The following STEEP1 variants were observed in gnomAD, a reference collection of about 807,000 sequenced individuals.
The protein encoded by STEEP1 is STING ER exit protein.
A neutral mutation model predicts 19.2 loss-of-function variants in STEEP1; 3 were observed. The observed-to-expected ratio is 0.16, with a 90% confidence interval of 0.07 to 0.40. STEEP1 has a LOEUF of 0.40. STEEP1 is among the 10% of genes least tolerant of loss of function. The pLI, the probability that STEEP1 is intolerant of heterozygous loss-of-function variation, is 0.99. For synonymous variants in STEEP1, 46 were observed against 63.7 expected (o/e 0.72, Z 1.32); for missense variants, 54 against 177.1 (o/e 0.30, Z 3.94).
intron 2 of STEEP1, among the ~76,000 whole-genome samples, chrX:119,545,865 C>G (rs2053200359): frequency 9.8e-6 from 1 of 101,804 alleles, no homozygotes; most frequent in African/African-American, 3.7e-5. Context: ...TGCACTCCAG[C>G]CTGGGCAACA....
At chrX:119,556,431 A>G (rs781691222) in intron 2 of STEEP1, among the ~76,000 whole-genome samples, 1 of 109,917 alleles carries the variant, frequency 9.1e-6, no homozygotes, top group African/African-American at 3.3e-5. Context: ...AAAACACAAA[A>G]AATTAGCCGG....
At chrX:119,542,725 G>T (rs1463302419) in intron 4 of STEEP1, 131 bp from the exon 5 acceptor site, 1 of 400,747 alleles carries the variant, frequency 2.5e-6, no homozygotes, top group South Asian at 6.1e-5. Context: ...GGGACAGGAT[G>T]ACCTATTTAA....
intron 4 of STEEP1, 135 bp downstream of exon 4, chrX:119,544,215 TAAG>T: frequency 2.1e-6 from 1 of 467,777 alleles, no homozygotes; most frequent in Non-Finnish European, 3.3e-6. Flanking sequence ...AGAAATAAAA[TAAG>T]AAAAAGACAA....
chrX:119,558,454 G>A (rs769194504), intron 2 of STEEP1, among the ~76,000 whole-genome samples: 114 of 111,081 alleles, frequency 1.0e-3, no homozygotes, highest in African/African-American at 3.5e-3. Context: ...GGAGAACGGC[G>A]TGAACCTGGG....
Position 119,546,465 on chromosome X carries a change from T to C in STEEP1, c.243-961A>G, listed in dbSNP as rs891201079. ...CAAAAAAAAAAAAAAAAAGTATACATGTATTAACTCATTTAATCCTTACAA... is the reference window on the plus strand; with the variant it reads ...CAAAAAAAAAAAAAAAAAGTATACACGTATTAACTCATTTAATCCTTACAA... On this transcript the variant is annotated intron_variant, in intron 2 of 6. Coordinates refer to ENST00000644802, the MANE Select transcript of STEEP1 (RefSeq NM_022101.4). 1.2e-3 allele frequency among the ~76,000 whole-genome samples: 128 copies of C among 105,464 alleles called. 2 individuals carry two copies. Among genetic ancestry groups the C allele is most frequent in the South Asian group, 2.5e-3 (6 of 2,408 alleles). 91.6% of individuals were successfully genotyped at this position (105,464 alleles called of 115,157 possible). A position where few individuals can be genotyped will look rare whatever the true frequency, so the allele number is the denominator to read the frequency against.
At chrX:119,549,289 A>C (rs1000466846) in intron 2 of STEEP1, among the ~76,000 whole-genome samples, 3 of 112,080 alleles carry the variant, frequency 2.7e-5, no homozygotes, top group Non-Finnish European at 5.6e-5. Context: ...TGTGGTGATC[A>C]TTTCACAGTG....
At chrX:119,562,490 G>A (rs1364817865) in intron 1 of STEEP1, among the ~76,000 whole-genome samples, 3 of 105,206 alleles carry the variant, frequency 2.9e-5, no homozygotes, top group African/African-American at 7.0e-5. Context: ...CCGAGATGGT[G>A]CCACTGCACT....
intron 1 of STEEP1, among the ~76,000 whole-genome samples, chrX:119,561,366 T>A (rs1478680288): frequency 9.0e-6 from 1 of 110,845 alleles, no homozygotes; most frequent in Non-Finnish European, 1.9e-5. Flanking sequence ...TAAAGCAGAT[T>A]GAAAATTGAT....
chrX:119,539,582 C>G lies in STEEP1; in HGVS notation c.*145G>C, dbSNP rs1390638529. On this transcript the variant is annotated 3_prime_UTR_variant, in exon 7 of 7. Transcript: ENST00000644802. ...AAGTTAAATGGACTCAGTTAAAGAC[C>G]TCACTGAATGTAGGAGAATCAATGG... is the stretch of plus-strand genomic sequence containing the variant. 1 of 429,868 alleles carries G rather than the reference C, an allele frequency of 2.3e-6. No homozygotes were observed. The highest frequency in any genetic ancestry group is 2.5e-5 in the African/African-American group (1 of 39,657). The allele number at this position is 429,868 out of a possible 1,213,427, so 35.4% of individuals were successfully genotyped here. A position where few individuals can be genotyped will look rare whatever the true frequency, so the allele number is the denominator to read the frequency against.
intron 6 of STEEP1, among the ~76,000 whole-genome samples, chrX:119,540,188 C>T (rs2053153527): frequency 9.0e-6 from 1 of 111,729 alleles, no homozygotes; most frequent in Admixed American, 9.6e-5. Flanking sequence ...TGTTATTGGT[C>T]CACACAAAAT....
chrX:119,542,468 C>G (rs1409208256), intron 5 of STEEP1, 37 bp downstream of exon 5: 2 of 1,061,894 alleles, frequency 1.9e-6, no homozygotes, highest in East Asian at 6.0e-5. Context: ...TACCCTTCTC[C>G]CCAAATTCCA....
intron 2 of STEEP1, among the ~76,000 whole-genome samples, chrX:119,555,533 C>T (rs925054575): frequency 1.8e-5 from 2 of 110,875 alleles, no homozygotes; most frequent in Non-Finnish European, 3.8e-5. Flanking sequence ...AAAGGCATTG[C>T]TATAAGTGAT....
At position 119,542,055 on chromosome X, in the gene STEEP1, C is replaced by CTTTTTTTTTTTTTTTTTTT. The variant is rs201339708; in HGVS notation, c.513+431_513+449dup. Among the ~76,000 whole-genome samples, 14 of 82,924 alleles carry CTTTTTTTTTTTTTTTTTTT rather than the reference C, an allele frequency of 1.7e-4. 1 individual carries two copies. Among genetic ancestry groups the CTTTTTTTTTTTTTTTTTTT allele is most frequent in the Non-Finnish European group, 2.3e-4 (10 of 43,597 alleles). The allele number at this position is 82,924 out of a possible 115,157, so 72.0% of individuals were successfully genotyped here. A position where few individuals can be genotyped will look rare whatever the true frequency, so the allele number is the denominator to read the frequency against. ...TCACTGTCAGAGTTTCTTTTCTTTT[C>CTTTTTTTTTTTTTTTTTTT]TTTTTTTTTTTTTTTTTTTTTTTTT... On this transcript the variant is annotated intron_variant, in intron 5 of 6. Coordinates refer to ENST00000644802, the MANE Select transcript of STEEP1 (RefSeq NM_022101.4).
At chrX:119,552,384 C>T (rs768836140) in intron 2 of STEEP1, among the ~76,000 whole-genome samples, 2 of 112,401 alleles carry the variant, frequency 1.8e-5, no homozygotes, top group South Asian at 7.3e-4. Context: ...GGGGTTCCCA[C>T]GACCCCCTCT....
intron 4 of STEEP1, 61 bp downstream of exon 4, chrX:119,544,292 T>A (rs1202158953): frequency 3.4e-5 from 35 of 1,021,281 alleles, no homozygotes; most frequent in Non-Finnish European, 4.7e-5. Context: ...TATAATCTTA[T>A]TTCAAAACAT....
chrX:119,542,386 G>T, intron 5 of STEEP1, 119 bp downstream of exon 5: 1 of 508,384 alleles, frequency 2.0e-6, no homozygotes, highest in Non-Finnish European at 3.4e-6. Context: ...TATCAGCAGA[G>T]CAGGGTCTAA....
chrX:119,538,448 C>T lies in STEEP1; in HGVS notation c.*1279G>A, dbSNP rs754471893. ...TTTTTTTTTTTTTTTTTTGTAGAGA[C>T]AGAGTCTCACTCTGTCGCCCAGGCT... On this transcript the variant is annotated 3_prime_UTR_variant, in exon 7 of 7. Transcript: ENST00000644802. 6.0e-5 allele frequency: 5 copies of T among 83,256 alleles called. No individual in the cohort carries two copies. In the East Asian group the frequency reaches 2.0e-3, roughly 33 times the overall value. The allele number at this position is 83,256 out of a possible 1,213,427, so 6.9% of individuals were successfully genotyped here. A position where few individuals can be genotyped will look rare whatever the true frequency, so the allele number is the denominator to read the frequency against.
intron 1 of STEEP1, among the ~76,000 whole-genome samples, chrX:119,564,487 C>T (rs1320536081): frequency 4.5e-5 from 3 of 66,592 alleles, no homozygotes; most frequent in Non-Finnish European, 8.1e-5. Context: ...CAGAGTGAGA[C>T]TCCATCTGAA....
At chrX:119,540,578 T>C (rs1288546170) in intron 6 of STEEP1, among the ~76,000 whole-genome samples, 1 of 112,314 alleles carries the variant, frequency 8.9e-6, no homozygotes, top group African/African-American at 3.2e-5. Context: ...CAGATCCATA[T>C]GCTCTAAGAT....
Sources: allele counts gnomAD v4.1 joint callset (sites outside exome capture counted in the v4.1 genomes callset), GRCh38; gene constraint gnomAD v4.1.1; transcripts MANE v1.5; gene names NCBI Gene and HGNC (gene_info 2026-07-23, HGNC 2026-07-21).